HECW2: variants seen among roughly 807,000 people sequenced by gnomAD.
HECW2 encodes the protein E3 ubiquitin-protein ligase HECW2.
HECW2 carries 61 observed loss-of-function variants against 175.2 expected under a neutral mutation model. The observed-to-expected ratio is 0.35, with a 90% confidence interval of 0.28 to 0.43. The LOEUF is 0.43. Ranked by LOEUF, HECW2 falls within the 20% of genes least tolerant of loss-of-function variation. The probability of loss-of-function intolerance (pLI) is 1.00; values close to 1 mark genes in which losing one functional copy is unlikely to be tolerated. For missense variants in HECW2, 1,524 were observed against 2,000.5 expected (o/e 0.76, Z 4.54); for synonymous variants, 671 against 731.0 (o/e 0.92, Z 1.32).
intron 1 of HECW2, among the ~76,000 whole-genome samples, chr2:196,579,982 G>A (rs1244229055): frequency 6.6e-6 from 1 of 152,112 alleles, no homozygotes; most frequent in Non-Finnish European, 1.5e-5. Context: ...GACAGCCCTA[G>A]CAAACCAATA....
rs555756622 is a variant in HECW2, at chr2:196,455,340, T to C, written c.-35-21882A>G. 2.0e-5 allele frequency among the ~76,000 whole-genome samples: 3 copies of C among 152,312 alleles called. No individual in the cohort carries two copies. The East Asian group carries it at 5.8e-4, about 29-fold the overall frequency. ...GGCCACAATGCCCGGCCCCTTTTAC[T>C]TAATTTTTATTAACTTTTTCTAAAG... On this transcript the variant is annotated intron_variant, in intron 1 of 28. Transcript: ENST00000644978.
intron 10 of HECW2, among the ~76,000 whole-genome samples, chr2:196,314,146 C>G (rs192690715): frequency 4.6e-5 from 7 of 152,204 alleles, no homozygotes; most frequent in Non-Finnish European, 7.3e-5. Context: ...TAGAGCACAT[C>G]TATCTGGACC....
chr2:196,204,875 G>C (rs957599135), intron 28 of HECW2, among the ~76,000 whole-genome samples: 2 of 152,200 alleles, frequency 1.3e-5, no homozygotes, highest in Admixed American at 1.3e-4. Flanking sequence ...TTTCTGAGTA[G>C]AGAAACAGGA....
intron 10 of HECW2, chr2:196,316,462 G>A (rs927674008): frequency 6.6e-6 from 1 of 152,168 alleles, no homozygotes; most frequent in African/African-American, 2.4e-5. Context: ...AGCAAGAAGG[G>A]AAAGCGGTAA....
intron 14 of HECW2, among the ~76,000 whole-genome samples, chr2:196,284,252 T>C (rs569882385): frequency 6.6e-6 from 1 of 152,326 alleles, no homozygotes; most frequent in East Asian, 1.9e-4. Context: ...CTGCGTCCAA[T>C]TCTCATCGCT....
chr2:196,334,569 G>C (rs1048040073), intron 3 of HECW2, 51 bp from the exon 4 acceptor site: 1 of 1,420,884 alleles, frequency 7.0e-7, no homozygotes, highest in Admixed American at 2.0e-5. Flanking sequence ...ACAAGTCATG[G>C]AGGAATCAGC....
intron 1 of HECW2, among the ~76,000 whole-genome samples, chr2:196,447,854 G>A (rs1366696468): frequency 2.0e-5 from 3 of 152,100 alleles, no homozygotes; most frequent in South Asian, 2.1e-4. Flanking sequence ...TCAGGAGTTC[G>A]AGCCAAGCCT....
At chr2:196,387,110 C>T (rs549241897) in intron 2 of HECW2, among the ~76,000 whole-genome samples, 55 of 152,238 alleles carry the variant, frequency 3.6e-4, no homozygotes, top group South Asian at 2.7e-3. Flanking sequence ...ACATATTAAA[C>T]TTACTTCTTA....
chr2:196,514,595 G>A (rs1012109153), intron 1 of HECW2, among the ~76,000 whole-genome samples: 2 of 152,124 alleles, frequency 1.3e-5, no homozygotes, highest in South Asian at 4.1e-4. Flanking sequence ...GGCTACCCAT[G>A]GACCAATCGG....
chr2:196,403,107 C>T (rs1448813771), intron 2 of HECW2, among the ~76,000 whole-genome samples: 1 of 152,048 alleles, frequency 6.6e-6, no homozygotes, highest in African/African-American at 2.4e-5. Flanking sequence ...CACCTGTCCA[C>T]CTTGGGATTC....
intron 1 of HECW2, among the ~76,000 whole-genome samples, chr2:196,557,442 C>A (rs1464676267): frequency 2.0e-5 from 3 of 151,612 alleles, no homozygotes; most frequent in Non-Finnish European, 4.4e-5. Context: ...GGAGTAAGCA[C>A]CAAATTTCAT....
intron 11 of HECW2, 90 bp downstream of exon 11, chr2:196,307,845 C>T (rs775976388): frequency 4.5e-5 from 56 of 1,238,678 alleles, no homozygotes; most frequent in Non-Finnish European, 5.8e-5. Flanking sequence ...ACACAAAGAT[C>T]AAAGAGACAA....
intron 10 of HECW2, among the ~76,000 whole-genome samples, chr2:196,309,161 T>C (rs16849360): frequency 0.71 from 107,566 of 151,990 alleles, 39,010 homozygotes; most frequent in East Asian, 0.97. Flanking sequence ...GGGAACAGGG[T>C]AAGTATCCCA....
chr2:196,224,841 A>G (rs535931970), intron 23 of HECW2, among the ~76,000 whole-genome samples: 35 of 152,350 alleles, frequency 2.3e-4, no homozygotes, highest in South Asian at 2.1e-3. Context: ...TGGGCCACAA[A>G]GAACCAAAGA....
chr2:196,196,881 T>G lies in HECW2; in HGVS notation c.*4396A>C, dbSNP rs1323234319. The G allele has an allele frequency of 6.6e-6, 1 of 152,228 alleles. No individual in the cohort carries two copies. Among genetic ancestry groups the G allele is most frequent in the African/African-American group, 2.4e-5 (1 of 41,420 alleles). The allele number at this position is 152,228 out of a possible 1,614,324, so 9.4% of individuals were successfully genotyped here. A position where few individuals can be genotyped will look rare whatever the true frequency, so the allele number is the denominator to read the frequency against. On this transcript the variant is annotated 3_prime_UTR_variant, in exon 29 of 29. Transcript: ENST00000644978. ...GGGAGGCCAAGGCGGGCGGATCGCT[T>G]GAGCTCAAGAGTTTGAGACGTGCCT... is the stretch of plus-strand genomic sequence containing the variant.
intron 28 of HECW2, among the ~76,000 whole-genome samples, chr2:196,213,666 T>C (rs1378612824): frequency 1.3e-5 from 2 of 152,192 alleles, no homozygotes; most frequent in Admixed American, 1.3e-4. Context: ...TAGGTCATAG[T>C]GAAGACAGGG....
intron 17 of HECW2, among the ~76,000 whole-genome samples, chr2:196,265,178 A>T (rs1410546236): frequency 6.6e-6 from 1 of 152,136 alleles, no homozygotes; most frequent in African/African-American, 2.4e-5. Context: ...CCTCCTATAA[A>T]CAAATTAATA....
intron 2 of HECW2, among the ~76,000 whole-genome samples, chr2:196,424,390 T>A (rs181678165): frequency 1.3e-5 from 2 of 152,108 alleles, no homozygotes; most frequent in African/African-American, 4.8e-5. Flanking sequence ...TCTCTCACTT[T>A]AAATCAAAAG....
At chr2:196,456,841 T>C (rs996036792) in intron 1 of HECW2, among the ~76,000 whole-genome samples, 2 of 152,262 alleles carry the variant, frequency 1.3e-5, no homozygotes, top group African/African-American at 2.4e-5. Flanking sequence ...AGAGCAGTTA[T>C]AGTACCTTAC....
Sources: gnomAD v4.1 joint callset for allele counts (sites outside exome capture counted in the v4.1 genomes callset) on GRCh38, gnomAD v4.1.1 for gene constraint, MANE v1.5 for transcripts, NCBI Gene and HGNC (gene_info 2026-07-23, HGNC 2026-07-21) for gene names.